Variants in MEGF11 observed in about 807,000 individuals in gnomAD.
MEGF11 encodes multiple EGF like domains 11.
In MEGF11, 126 loss-of-function variants were observed where a neutral mutation model predicts 146.6. The observed-to-expected ratio is 0.86, with a 90% CI of 0.74 to 1.00. The LOEUF is 1.00. MEGF11 is among the 50% of genes least tolerant of loss of function. The pLI is 0.00. For synonymous variants in MEGF11, 532 were observed against 583.4 expected, an observed-to-expected ratio of 0.91 and a Z score of 1.27; for missense variants, 1,509 against 1,521.2, an observed-to-expected ratio of 0.99 and a Z score of 0.13.
At chr15:65,920,219 TTAG>T (rs1289483948) in intron 15 of MEGF11, among the ~76,000 whole-genome samples, 4 of 152,180 alleles carry the variant, frequency 2.6e-5, no homozygotes, top group South Asian at 2.1e-4. Context: ...AGGACCATGG[TTAG>T]TAGCTGTGGC....
intron 1 of MEGF11, among the ~76,000 whole-genome samples, chr15:66,201,816 G>A (rs373307583): frequency 7.4e-4 from 112 of 151,022 alleles, no homozygotes; most frequent in African/African-American, 2.6e-3. Flanking sequence ...GCATGTTGGT[G>A]CGAGCCTGTA....
Position 66,001,441 on chromosome 15 carries a change from GA to G in MEGF11, c.395-18954del, listed in dbSNP as rs1181689962. Among the ~76,000 whole-genome samples the G allele has an allele frequency of 3.9e-5, 6 of 152,214 alleles. No homozygotes were observed. In the South Asian group the frequency reaches 1.2e-3, roughly 32 times the overall value. The stretch of plus-strand genomic sequence containing the variant: ...CTCTGTACTCCAGAGCCGGGTAGAG[GA>G]TGCTGTCACAGCCAAGCATCGGGTT... On this transcript the variant is annotated intron_variant, in intron 5 of 25. Coordinates refer to ENST00000395614, the MANE Select transcript of MEGF11 (RefSeq NM_001385028.1).
intron 4 of MEGF11, among the ~76,000 whole-genome samples, chr15:66,113,622 C>G (rs2087559050): frequency 6.6e-6 from 1 of 152,148 alleles, no homozygotes; most frequent in African/African-American, 2.4e-5. Flanking sequence ...TAAAGAAACC[C>G]TTGGCTCACG....
At chr15:66,009,080 T>C (rs1444080653) in intron 5 of MEGF11, among the ~76,000 whole-genome samples, 1 of 152,184 alleles carries the variant, frequency 6.6e-6, no homozygotes, top group African/African-American at 2.4e-5. Flanking sequence ...CCCTGGTTCG[T>C]TGGAGTCTGT....
chr15:65,954,448 T>G (rs1002634838), intron 10 of MEGF11, among the ~76,000 whole-genome samples: 3 of 151,914 alleles, frequency 2.0e-5, no homozygotes, highest in Non-Finnish European at 4.4e-5. Flanking sequence ...CAGGAGTGAG[T>G]CATGCTGGTT....
chr15:66,124,490 A>G (rs1292262069), intron 2 of MEGF11, among the ~76,000 whole-genome samples: 1 of 152,240 alleles, frequency 6.6e-6, no homozygotes, highest in African/African-American at 2.4e-5. Flanking sequence ...CTGCAGTATC[A>G]ATAGGTGCTA....
At chr15:66,223,489 G>A (rs899994788) in intron 1 of MEGF11, among the ~76,000 whole-genome samples, 3 of 152,308 alleles carry the variant, frequency 2.0e-5, no homozygotes, top group South Asian at 2.1e-4. Context: ...AGTGAATTGC[G>A]AGATGGGTGG....
chr15:66,055,344 A>G (rs1157712116), intron 5 of MEGF11, among the ~76,000 whole-genome samples: 1 of 152,250 alleles, frequency 6.6e-6, no homozygotes, highest in Non-Finnish European at 1.5e-5. Flanking sequence ...TAGCTAATGC[A>G]GCTTTCAATT....
intron 1 of MEGF11, among the ~76,000 whole-genome samples, chr15:66,167,989 C>T (rs931626127): frequency 4.6e-5 from 7 of 152,296 alleles, no homozygotes; most frequent in African/African-American, 1.7e-4. Context: ...GGGCCTCCTG[C>T]ATTCTCCTAG....
Position 66,147,746 on chromosome 15 carries a change from GCCCCAGAACACAACACA to G in MEGF11, c.-8-19352_-8-19336del, listed in dbSNP as rs368487429. 7.3e-3 allele frequency among the ~76,000 whole-genome samples: 1,106 copies of G among 152,326 alleles called. 18 individuals carry two copies. Among genetic ancestry groups the G allele is most frequent in the African/African-American group, 0.025 (1,032 of 41,570 alleles). On this transcript the variant is annotated intron_variant, in intron 1 of 25. Coordinates refer to ENST00000395614, the MANE Select transcript of MEGF11 (RefSeq NM_001385028.1). ...GCCTTCTGAGCTGGAGGGGGGCTCA[GCCCCAGAACACAACACA>G]CCTTGTGAGCCAGGACTGTTCTGAG... is the stretch of plus-strand genomic sequence containing the variant.
chr15:65,906,391 G>A (rs2078629993), intron 23 of MEGF11, among the ~76,000 whole-genome samples: 1 of 152,154 alleles, frequency 6.6e-6, no homozygotes, highest in Admixed American at 6.5e-5. Flanking sequence ...AAGCTACAGC[G>A]ACCCCCGGCA....
At chr15:66,109,271 C>A (rs1300754940) in intron 4 of MEGF11, among the ~76,000 whole-genome samples, 1 of 152,154 alleles carries the variant, frequency 6.6e-6, no homozygotes, top group East Asian at 1.9e-4. Context: ...CCCAGAGCAA[C>A]CACTCCCTGA....
chr15:66,216,111 G>T (rs2091576010), intron 1 of MEGF11, among the ~76,000 whole-genome samples: 1 of 152,192 alleles, frequency 6.6e-6, no homozygotes, highest in African/African-American at 2.4e-5. Context: ...AATTTGAAAG[G>T]CAGAGATTGA....
chr15:65,940,084 C>T (rs2141367078), intron 10 of MEGF11, among the ~76,000 whole-genome samples: 1 of 152,138 alleles, frequency 6.6e-6, no homozygotes, highest in South Asian at 2.1e-4. Flanking sequence ...TGTCTAGTGG[C>T]TAGACGGGGT....
rs182954963 is a variant in MEGF11, at chr15:65,910,660, G to A, written c.2830-854C>T. On this transcript the variant is annotated intron_variant, in intron 21 of 25. Coordinates refer to ENST00000395614, the MANE Select transcript of MEGF11 (RefSeq NM_001385028.1). ...TGGAGGCTGAGAGTGGCCTTGGGGTGTTGGCTTGATAGTGGTTGCCCTTGA... is the reference window on the plus strand; with the variant it reads ...TGGAGGCTGAGAGTGGCCTTGGGGTATTGGCTTGATAGTGGTTGCCCTTGA... Among the ~76,000 whole-genome samples the A allele has an allele frequency of 2.0e-3, 301 of 152,316 alleles. 1 individual carries two copies. Among genetic ancestry groups the A allele is most frequent in the Middle Eastern group, 3.4e-3 (1 of 294 alleles).
intron 5 of MEGF11, among the ~76,000 whole-genome samples, chr15:66,008,235 T>A (rs1471622289): frequency 6.6e-6 from 1 of 152,062 alleles, no homozygotes; most frequent in Non-Finnish European, 1.5e-5. Flanking sequence ...GTAGAGATGT[T>A]GTAGTTGAAG....
At chr15:66,149,670 A>T (rs1597122232) in intron 1 of MEGF11, among the ~76,000 whole-genome samples, 1 of 152,216 alleles carries the variant, frequency 6.6e-6, no homozygotes, top group East Asian at 1.9e-4. Context: ...GCTGACTGTC[A>T]TGCAGTTACA....
chr15:65,898,765 T>TGGCA lies in MEGF11; in HGVS notation c.3221_3224dup (p.Ser1076AlafsTer7). 1 of 1,613,962 alleles carries TGGCA rather than the reference T, an allele frequency of 6.2e-7. No individual in the cohort carries two copies. The highest frequency in any genetic ancestry group is 8.5e-7 in the Non-Finnish European group (1 of 1,179,838). On this transcript the variant is annotated frameshift_variant, in exon 25 of 26. Transcript: ENST00000395614. LOFTEE classifies it high-confidence loss of function. ...TATTTTTATTAGATGTCGACAAGGA[T>TGGCA]GGCACATCTGTGTACGGAGACCCCA...
intron 5 of MEGF11, among the ~76,000 whole-genome samples, chr15:66,048,919 T>C (rs1174109834): frequency 1.3e-5 from 2 of 152,176 alleles, no homozygotes; most frequent in Non-Finnish European, 2.9e-5. Flanking sequence ...GCTTTCTACA[T>C]TCTCATTTTA....
Sources: gnomAD v4.1 joint callset for allele counts (sites outside exome capture counted in the v4.1 genomes callset) on GRCh38, gnomAD v4.1.1 for gene constraint, MANE v1.5 for transcripts, NCBI Gene and HGNC (gene_info 2026-07-23, HGNC 2026-07-21) for gene names.